GRK5: variants seen among roughly 807,000 people sequenced by gnomAD.
The protein encoded by GRK5 is G protein-coupled receptor kinase 5, also known as g protein-coupled receptor kinase GRK5.
In GRK5, 40 loss-of-function variants were observed where a neutral mutation model predicts 78.4. That is an observed-to-expected ratio of 0.51 (90% CI 0.40 to 0.66). The LOEUF (loss-of-function observed/expected upper bound fraction) is 0.66, where lower values mean the gene tolerates loss of function less well. Ranked by LOEUF, GRK5 falls within the 30% of genes least tolerant of loss-of-function variation. The probability of loss-of-function intolerance (pLI) is 0.00; values close to 1 mark genes in which losing one functional copy is unlikely to be tolerated. For missense variants in GRK5, 598 were observed against 759.9 expected (o/e 0.79, Z 2.50); for synonymous variants, 289 against 296.8 (o/e 0.97, Z 0.27).
intron 1 of GRK5, among the ~76,000 whole-genome samples, chr10:119,278,253 C>T (rs1425198271): frequency 6.6e-6 from 1 of 152,044 alleles, no homozygotes; most frequent in Non-Finnish European, 1.5e-5. Flanking sequence ...CCCGTCTCCA[C>T]CTGTTCTCTC....
chr10:119,292,849 GT>G (rs10712644), intron 1 of GRK5, among the ~76,000 whole-genome samples: 98,291 of 149,142 alleles, frequency 0.66, 32,053 homozygotes, highest in East Asian at 0.88. Flanking sequence ...TACAGATACA[GT>G]TTTTTTTTTT....
At chr10:119,409,494 T>C (rs540110914) in intron 4 of GRK5, among the ~76,000 whole-genome samples, 1 of 152,268 alleles carries the variant, frequency 6.6e-6, no homozygotes, top group South Asian at 2.1e-4. Context: ...GTGTTTCCTG[T>C]CCAGAATGCC....
At chr10:119,335,177 C>CTCTCTCCCCCTCT (rs1850858582) in intron 2 of GRK5, among the ~76,000 whole-genome samples, 1 of 35,794 alleles carries the variant, frequency 2.8e-5, no homozygotes, top group Non-Finnish European at 5.5e-5. Context: ...TCTCTCTCTC[C>CTCTCTCCCCCTCT]CCCTCTCCCT....
intron 2 of GRK5, among the ~76,000 whole-genome samples, chr10:119,344,655 T>C (rs1851047552): frequency 6.6e-6 from 1 of 152,180 alleles, no homozygotes; most frequent in African/African-American, 2.4e-5. Context: ...CAGATGGGCA[T>C]GAATGTCACA....
At chr10:119,304,229 C>T (rs1850233939) in intron 1 of GRK5, among the ~76,000 whole-genome samples, 1 of 151,102 alleles carries the variant, frequency 6.6e-6, no homozygotes, top group African/African-American at 2.4e-5. Flanking sequence ...GAAACCTCCA[C>T]CTGGAACCTT....
At chr10:119,396,560 G>T in intron 3 of GRK5, 135 bp from the exon 4 acceptor site, 1 of 695,418 alleles carries the variant, frequency 1.4e-6, no homozygotes, top group Non-Finnish European at 2.5e-6. Flanking sequence ...CTTCCCCCCC[G>T]GTTTCCTGAC....
chr10:119,309,562 A>G (rs871196), intron 1 of GRK5, among the ~76,000 whole-genome samples: 49,816 of 152,142 alleles, frequency 0.33, 8,920 homozygotes, highest in East Asian at 0.68. Flanking sequence ...GCTAACCACA[A>G]TCTCACTTTG....
At chr10:119,231,845 C>T (rs893142910) in intron 1 of GRK5, among the ~76,000 whole-genome samples, 5 of 151,828 alleles carry the variant, frequency 3.3e-5, no homozygotes, top group Admixed American at 6.6e-5. Flanking sequence ...ATACCGGAGA[C>T]GATGTAGAGA....
intron 2 of GRK5, among the ~76,000 whole-genome samples, chr10:119,329,739 A>G (rs1850736084): frequency 6.6e-6 from 1 of 152,104 alleles, no homozygotes; most frequent in African/African-American, 2.4e-5. Context: ...TCAAAAAACA[A>G]AAACAAAAAC....
chr10:119,404,002 A>C (rs1215251324), intron 4 of GRK5, among the ~76,000 whole-genome samples: 1 of 152,144 alleles, frequency 6.6e-6, no homozygotes, highest in African/African-American at 2.4e-5. Context: ...TGCAGGTACA[A>C]GTTTTTGTGT....
rs985394764 is a variant in GRK5, at chr10:119,207,967, A to G, written c.50A>G (p.Glu17Gly). 1.9e-6 allele frequency: 3 copies of G among 1,604,306 alleles called. No individual in the cohort carries two copies. Among genetic ancestry groups the G allele is most frequent in the Non-Finnish European group, 2.6e-6 (3 of 1,176,282 alleles). Residue 17 changes from glutamate to glycine, a missense_variant and splice_region_variant, in exon 1 of 16, where the codon GAA (glutamate) becomes GGA (glycine). Transcript: ENST00000392870. ...AACACGGTCTTGCTGAAAGCCAGGG[A>G]AGGTAAGAGGCAGGGCCGGTACGTG... is the stretch of plus-strand genomic sequence containing the variant. ...VANTVLLKAR[E>G]GGGGKRKGKS...
At chr10:119,398,358 C>T (rs1852091941) in intron 4 of GRK5, among the ~76,000 whole-genome samples, 1 of 152,132 alleles carries the variant, frequency 6.6e-6, no homozygotes, top group Non-Finnish European at 1.5e-5. Flanking sequence ...TGGCTGGGCT[C>T]CTATGGTGTG....
intron 1 of GRK5, among the ~76,000 whole-genome samples, chr10:119,223,393 C>T (rs978382257): frequency 1.3e-5 from 2 of 152,202 alleles, no homozygotes; most frequent in African/African-American, 4.8e-5. Flanking sequence ...AACCCTGGAA[C>T]ACAGGCCCTG....
At chr10:119,446,868 G>A (rs1288612174) in intron 12 of GRK5, among the ~76,000 whole-genome samples, 1 of 152,228 alleles carries the variant, frequency 6.6e-6, no homozygotes, top group African/African-American at 2.4e-5. Context: ...AGCCGGTGCA[G>A]TGCCTGCCCC....
chr10:119,430,399 C>T lies in GRK5; in HGVS notation c.558C>T (p.Phe186=). 2.5e-6 allele frequency: 4 copies of T among 1,613,620 alleles called. No homozygotes were observed. Among genetic ancestry groups the T allele is most frequent in the South Asian group, 1.1e-5 (1 of 90,930 alleles). Residue 186 remains phenylalanine, a synonymous_variant, in exon 7 of 16, where the codon TTC becomes TTT. Transcript: ENST00000392870. This position sits in a 1 kb window ranked among gnomAD's most constrained non-coding sequence, Gnocchi z 4.5. ...GGCAACCGGTGACCAAAAACACTTT[C>T]AGGCAGTATCGAGTGCTAGGAAAAG... is the stretch of plus-strand genomic sequence containing the variant. ...LERQPVTKNT[F]RQYRVLGKGG...
chr10:119,320,143 A>G (rs192986475), intron 1 of GRK5, among the ~76,000 whole-genome samples: 11 of 152,198 alleles, frequency 7.2e-5, no homozygotes, highest in African/African-American at 2.7e-4. Flanking sequence ...GTGGGGGAAC[A>G]ATGATGTATA....
intron 1 of GRK5, 146 bp downstream of exon 1, chr10:119,208,115 C>T (rs1453966543): frequency 2.9e-6 from 2 of 693,196 alleles, no homozygotes; most frequent in African/African-American, 1.9e-5. Flanking sequence ...GAGAGCGGCT[C>T]TGCAGACCCT....
intron 2 of GRK5, among the ~76,000 whole-genome samples, chr10:119,373,450 T>C (rs1268900013): frequency 6.6e-6 from 1 of 152,240 alleles, no homozygotes; most frequent in Non-Finnish European, 1.5e-5. Flanking sequence ...CAAGATCTAA[T>C]GGTTTTATAA....
intron 2 of GRK5, among the ~76,000 whole-genome samples, chr10:119,351,163 A>G (rs1308451809): frequency 6.6e-6 from 1 of 152,250 alleles, no homozygotes; most frequent in Admixed American, 6.5e-5. Flanking sequence ...AGCCACTGCA[A>G]CAGTAATTCC....
Sources: gnomAD v4.1 joint callset for allele counts (sites outside exome capture counted in the v4.1 genomes callset) on GRCh38, gnomAD v4.1.1 for gene constraint, Gnocchi (gnomAD v3.1) non-coding constraint, MANE v1.5 for transcripts, NCBI Gene and HGNC (gene_info 2026-07-23, HGNC 2026-07-21) for gene names.